The following FILIP1L variants were observed in gnomAD, a reference collection of about 807,000 sequenced individuals.
The protein encoded by FILIP1L is filamin A-interacting protein 1-like.
FILIP1L carries 55 observed loss-of-function variants against 96.6 expected under a neutral mutation model. That is an observed-to-expected ratio of 0.57 (90% CI 0.46 to 0.71). The LOEUF is 0.71. FILIP1L is among the 30% of genes least tolerant of loss of function. The pLI, the probability that FILIP1L is intolerant of heterozygous loss-of-function variation, is 0.00. For missense variants in FILIP1L, 1,304 were observed against 1,321.2 expected (o/e 0.99, Z 0.20); for synonymous variants, 467 against 473.9 (o/e 0.99, Z 0.19).
At chr3:99,926,161 A>G (rs1363896903) in intron 3 of FILIP1L, among the ~76,000 whole-genome samples, 5 of 152,266 alleles carry the variant, frequency 3.3e-5, no homozygotes, top group Non-Finnish European at 7.3e-5. Flanking sequence ...CTAGAAATGT[A>G]CTTGACTAGA....
At chr3:100,056,589 A>G (rs531859522) in intron 1 of FILIP1L, among the ~76,000 whole-genome samples, 66 of 152,244 alleles carry the variant, frequency 4.3e-4, no homozygotes, top group African/African-American at 1.5e-3. Context: ...GTGATTAACA[A>G]GTTTGTCATA....
At chr3:99,952,403 A>G (rs755740992) in intron 1 of FILIP1L, among the ~76,000 whole-genome samples, 10 of 152,184 alleles carry the variant, frequency 6.6e-5, no homozygotes, top group Non-Finnish European at 1.0e-4. Context: ...CAAGTTGAGG[A>G]AACAGAATAA....
chr3:99,920,014 A>G (rs1165990183), intron 4 of FILIP1L, among the ~76,000 whole-genome samples: 1 of 152,178 alleles, frequency 6.6e-6, no homozygotes, highest in Non-Finnish European at 1.5e-5. Flanking sequence ...TACCATTTGA[A>G]CTTCTGATTT....
chr3:99,988,919 G>A (rs1279376252), intron 1 of FILIP1L, among the ~76,000 whole-genome samples: 1 of 152,154 alleles, frequency 6.6e-6, no homozygotes, highest in Non-Finnish European at 1.5e-5. Context: ...GAGTAATTGG[G>A]AACTTTCTGT....
intron 4 of FILIP1L, among the ~76,000 whole-genome samples, chr3:99,917,629 T>C (rs2107646603): frequency 6.6e-6 from 1 of 152,360 alleles, no homozygotes; most frequent in South Asian, 2.1e-4. Context: ...TAATTTTTTA[T>C]AGTTATCTGG....
intron 4 of FILIP1L, among the ~76,000 whole-genome samples, chr3:99,861,945 T>C (rs1302545429): frequency 6.6e-6 from 1 of 152,144 alleles, no homozygotes; most frequent in African/African-American, 2.4e-5. Flanking sequence ...TATTAGAGCC[T>C]CCCTCACAAT....
intron 4 of FILIP1L, among the ~76,000 whole-genome samples, chr3:99,860,629 C>T (rs1944202247): frequency 6.6e-6 from 1 of 152,098 alleles, no homozygotes; most frequent in Non-Finnish European, 1.5e-5. Context: ...AAAGGAGGTG[C>T]CCATGATTCT....
rs1310479173 is a variant in FILIP1L, at chr3:100,068,748, C to T, written c.-11+45305G>A. Among the ~76,000 whole-genome samples, 4 of 152,206 alleles carry T rather than the reference C, an allele frequency of 2.6e-5. No homozygotes were observed. The East Asian group carries it at 7.7e-4, about 29-fold the overall frequency. ...GTTCAAGCGATTTTCCTGCCTCAGC[C>T]TCCCAAGTAGCTGGGAATACAGGCG... On this transcript the variant is annotated intron_variant, in intron 1 of 5. Coordinates refer to ENST00000477258, the MANE Select transcript of FILIP1L (RefSeq NM_001387850.1).
chr3:100,037,910 C>T (rs1214670722), intron 1 of FILIP1L, among the ~76,000 whole-genome samples: 1 of 150,782 alleles, frequency 6.6e-6, no homozygotes, highest in South Asian at 2.1e-4. Flanking sequence ...GGCTCTGAAT[C>T]GCTTAGGTTT....
chr3:99,999,239 GCTCTCAC>G (rs1709773579), intron 1 of FILIP1L, among the ~76,000 whole-genome samples: 1 of 152,152 alleles, frequency 6.6e-6, no homozygotes, highest in African/African-American at 2.4e-5. Flanking sequence ...AGTGTGATAA[GCTCTCAC>G]TGTAGCAAGG....
At chr3:99,872,703 A>G (rs1444282625) in intron 4 of FILIP1L, among the ~76,000 whole-genome samples, 1 of 152,184 alleles carries the variant, frequency 6.6e-6, no homozygotes, top group African/African-American at 2.4e-5. Flanking sequence ...AATACTGCTA[A>G]TGTGTTCTCG....
At chr3:100,036,823 T>C (rs2065116085) in intron 1 of FILIP1L, among the ~76,000 whole-genome samples, 1 of 152,196 alleles carries the variant, frequency 6.6e-6, no homozygotes, top group Non-Finnish European at 1.5e-5. Context: ...CCATCATCAA[T>C]AGTAGAACAA....
intron 1 of FILIP1L, among the ~76,000 whole-genome samples, chr3:100,009,360 A>G (rs1710077479): frequency 6.6e-6 from 1 of 152,204 alleles, no homozygotes; most frequent in South Asian, 2.1e-4. Flanking sequence ...AGTAGTGGTA[A>G]TAATAATGAT....
chr3:100,010,917 G>T (rs1187682371), intron 1 of FILIP1L, among the ~76,000 whole-genome samples: 1 of 150,686 alleles, frequency 6.6e-6, no homozygotes, highest in African/African-American at 2.4e-5. Flanking sequence ...GTGAGCCACC[G>T]CGCCCAGCTG....
At chr3:99,856,920 T>C (rs978321886) in intron 4 of FILIP1L, among the ~76,000 whole-genome samples, 2 of 152,198 alleles carry the variant, frequency 1.3e-5, no homozygotes, top group Non-Finnish European at 2.9e-5. Flanking sequence ...ATACCCATAA[T>C]AACTTATATT....
Position 99,851,065 on chromosome 3 carries a change from T to A in FILIP1L, c.611A>T (p.Lys204Met), listed in dbSNP as rs1559659271. ...CTTGATTTCTTGATCAATTAGCTTCTTTAATCTGAAAAATGTAAAGTGCAT... is the reference window on the plus strand; with the variant it reads ...CTTGATTTCTTGATCAATTAGCTTCATTAATCTGAAAAATGTAAAGTGCAT... ...CLLEQECERL[K>M]KLIDQEIKSQ... Residue 204 changes from lysine to methionine, a missense_variant, in exon 5 of 6, where the codon AAG (lysine) becomes ATG (methionine). Transcript: ENST00000477258. 11 of 1,577,298 alleles carry A rather than the reference T, an allele frequency of 7.0e-6. No individual in the cohort carries two copies. Among genetic ancestry groups the A allele is most frequent in the Non-Finnish European group, 9.4e-6 (11 of 1,168,144 alleles).
At chr3:99,876,552 C>G (rs567076309) in intron 4 of FILIP1L, among the ~76,000 whole-genome samples, 5 of 152,174 alleles carry the variant, frequency 3.3e-5, no homozygotes, top group Non-Finnish European at 5.9e-5. Context: ...TTTGTAAATT[C>G]ATTATACTTT....
intron 1 of FILIP1L, among the ~76,000 whole-genome samples, chr3:99,990,279 T>C (rs1709474723): frequency 6.6e-6 from 1 of 152,144 alleles, no homozygotes; most frequent in African/African-American, 2.4e-5. Context: ...ATTCTGTTTC[T>C]ATATCAGGGC....
intron 1 of FILIP1L, among the ~76,000 whole-genome samples, chr3:100,038,840 A>G (rs1323520698): frequency 3.3e-5 from 5 of 152,178 alleles, no homozygotes; most frequent in Non-Finnish European, 7.4e-5. Flanking sequence ...TCCCAGATGT[A>G]TTGTTAAGTC....
Sources: gnomAD v4.1 joint callset for allele counts (sites outside exome capture counted in the v4.1 genomes callset) on GRCh38, gnomAD v4.1.1 for gene constraint, MANE v1.5 for transcripts, NCBI Gene and HGNC (gene_info 2026-07-23, HGNC 2026-07-21) for gene names.